The following ADGRL3 variants were observed in gnomAD, a reference collection of about 807,000 sequenced individuals.
ADGRL3 encodes adhesion G protein-coupled receptor L3, also known as calcium-independent alpha-latrotoxin receptor 3.
ADGRL3 carries 62 observed loss-of-function variants against 153.5 expected under a neutral mutation model. That is an observed-to-expected ratio of 0.40 (90% CI 0.33 to 0.50). ADGRL3 has a LOEUF of 0.50. ADGRL3 is among the 20% of genes least tolerant of loss of function. The pLI is 0.47. For synonymous variants in ADGRL3, 710 were observed against 672.5 expected (o/e 1.06, Z -0.86); for missense variants, 1,641 against 1,859.4 (o/e 0.88, Z 2.16).
At chr4:61,562,665 G>A (rs1399713632) in intron 4 of ADGRL3, among the ~76,000 whole-genome samples, 1 of 152,034 alleles carries the variant, frequency 6.6e-6, no homozygotes, top group Non-Finnish European at 1.5e-5. Flanking sequence ...CACATCTTCA[G>A]GCTCCACTTC....
intron 1 of ADGRL3, chr4:61,211,590 T>G (rs1051096593): frequency 6.6e-6 from 1 of 152,208 alleles, no homozygotes; most frequent in African/African-American, 2.4e-5. Flanking sequence ...AAGAATTGGT[T>G]AGGAAAATCA....
At chr4:61,407,319 C>T (rs1470965710) in intron 2 of ADGRL3, among the ~76,000 whole-genome samples, 1 of 151,980 alleles carries the variant, frequency 6.6e-6, no homozygotes, top group Non-Finnish European at 1.5e-5. Context: ...GTAGATAGGT[C>T]ATTAGTCTTC....
chr4:61,315,660 C>A (rs962056623), intron 1 of ADGRL3, among the ~76,000 whole-genome samples: 5 of 152,108 alleles, frequency 3.3e-5, no homozygotes, highest in Non-Finnish European at 7.4e-5. Flanking sequence ...CTCCTGGAAA[C>A]CATGAAAGAA....
intron 8 of ADGRL3, among the ~76,000 whole-genome samples, chr4:61,737,981 T>A (rs540748877): frequency 1.3e-5 from 2 of 152,182 alleles, no homozygotes; most frequent in South Asian, 4.2e-4. Context: ...TTTGGTTACA[T>A]GAGTAAGTTT....
intron 19 of ADGRL3, among the ~76,000 whole-genome samples, chr4:61,993,785 C>A (rs553879777): frequency 6.6e-6 from 1 of 151,986 alleles, no homozygotes; most frequent in Non-Finnish European, 1.5e-5. Context: ...TGGTGACAAG[C>A]TAGCCTATGG....
chr4:61,632,601 A>T (rs1335204645), intron 5 of ADGRL3, among the ~76,000 whole-genome samples: 2 of 152,100 alleles, frequency 1.3e-5, no homozygotes, highest in Non-Finnish European at 2.9e-5. Flanking sequence ...TTGGCCCTTG[A>T]TGTTTTATAC....
chr4:61,582,363 A>C (rs957164343), intron 4 of ADGRL3, among the ~76,000 whole-genome samples: 4 of 151,760 alleles, frequency 2.6e-5, no homozygotes, highest in Admixed American at 6.6e-5. Context: ...TCCAGGCCCC[A>C]GTATGTGTTG....
chr4:61,370,804 T>A lies in ADGRL3; in HGVS notation c.-239-12320T>A, dbSNP rs193082928. On this transcript the variant is annotated intron_variant, in intron 1 of 26. Transcript: ENST00000683033. ...TATCCTTGTTAACTTTCTGTCTCGT[T>A]GATCTGTCTAATATTGACAGTGGGA... is the stretch of plus-strand genomic sequence containing the variant. Among the ~76,000 whole-genome samples, 482 of 152,298 alleles carry A rather than the reference T, an allele frequency of 3.2e-3. 5 individuals carry two copies. The highest frequency in any genetic ancestry group is 0.01 in the African/African-American group (431 of 41,560).
chr4:61,314,093 A>G (rs1233330225), intron 1 of ADGRL3, among the ~76,000 whole-genome samples: 1 of 152,208 alleles, frequency 6.6e-6, no homozygotes, highest in Admixed American at 6.5e-5. Flanking sequence ...TTTTAATGGA[A>G]TAACATTGAA....
At chr4:61,308,729 A>T (rs541003508) in intron 1 of ADGRL3, among the ~76,000 whole-genome samples, 1 of 152,280 alleles carries the variant, frequency 6.6e-6, no homozygotes, top group South Asian at 2.1e-4. Flanking sequence ...TAAAATGCAT[A>T]TGTAAAATGG....
At chr4:61,856,018 T>C (rs1419411631) in intron 9 of ADGRL3, among the ~76,000 whole-genome samples, 1 of 152,124 alleles carries the variant, frequency 6.6e-6, no homozygotes, top group Non-Finnish European at 1.5e-5. Context: ...TGTCTCACCA[T>C]ACCGAAAGAG....
Position 61,885,913 on chromosome 4 carries a change from G to T in ADGRL3, c.1481-6743G>T, listed in dbSNP as rs546213939. On this transcript the variant is annotated intron_variant, in intron 9 of 26. Transcript: ENST00000683033. ...TCAGGACAGTTTCTGGCATGGTAGGGGCTAAATATGCACCAGATAATATAA... is the reference window on the plus strand; with the variant it reads ...TCAGGACAGTTTCTGGCATGGTAGGTGCTAAATATGCACCAGATAATATAA... Among the ~76,000 whole-genome samples, 4 of 152,124 alleles carry T rather than the reference G, an allele frequency of 2.6e-5. No homozygotes were observed. In the South Asian group the frequency reaches 8.3e-4, roughly 32 times the overall value.
At chr4:61,557,435 G>A (rs1431247514) in intron 4 of ADGRL3, among the ~76,000 whole-genome samples, 1 of 152,022 alleles carries the variant, frequency 6.6e-6, no homozygotes, top group African/African-American at 2.4e-5. Flanking sequence ...AGGAATTGCT[G>A]GAATCCATAG....
intron 5 of ADGRL3, among the ~76,000 whole-genome samples, chr4:61,636,436 A>G (rs183357411): frequency 0.012 from 1,855 of 152,294 alleles, 18 homozygotes; most frequent in Non-Finnish European, 0.02. Context: ...AGTGGAAGCC[A>G]GGAGATAATG....
At chr4:61,839,741 ATGGTC>A (rs2097997693) in intron 9 of ADGRL3, among the ~76,000 whole-genome samples, 2 of 151,840 alleles carry the variant, frequency 1.3e-5, no homozygotes, top group Non-Finnish European at 2.9e-5. Context: ...CAGGACCAGC[ATGGTC>A]AACATAGTGA....
rs138542953 is a variant in ADGRL3 at position 62,027,099 on chromosome 4, T to C, written c.3396-1756T>C. On this transcript the variant is annotated intron_variant, in intron 21 of 26. Transcript: ENST00000683033. ...TGAACAGGACATCACAGATGGAATA[T>C]ACTGATGCAATGGGAATGCATATAA... 1.2e-3 allele frequency among the ~76,000 whole-genome samples: 183 copies of C among 152,166 alleles called. 2 individuals are homozygous for C. The South Asian group carries it at 0.027, about 22-fold the overall frequency.
At chr4:61,265,015 G>T (rs1031495400) in intron 1 of ADGRL3, among the ~76,000 whole-genome samples, 4 of 151,858 alleles carry the variant, frequency 2.6e-5, no homozygotes, top group Admixed American at 2.0e-4. Flanking sequence ...AGAGGCAAGA[G>T]AGCATTCGTA....
chr4:61,809,482 T>A (rs1055691233), intron 8 of ADGRL3, among the ~76,000 whole-genome samples: 1 of 152,082 alleles, frequency 6.6e-6, no homozygotes, highest in African/African-American at 2.4e-5. Flanking sequence ...CTTTTAGAGT[T>A]TCTCATAAAA....
At chr4:61,377,638 A>G (rs926705831) in intron 1 of ADGRL3, among the ~76,000 whole-genome samples, 13 of 152,060 alleles carry the variant, frequency 8.5e-5, no homozygotes, top group African/African-American at 3.1e-4. Context: ...ATTTTAAATA[A>G]TTAGTAGTCA....
Sources: gnomAD v4.1 joint callset for allele counts (sites outside exome capture counted in the v4.1 genomes callset) on GRCh38, gnomAD v4.1.1 for gene constraint, MANE v1.5 for transcripts, NCBI Gene and HGNC (gene_info 2026-07-23, HGNC 2026-07-21) for gene names.